The following LNX2 variants were observed in gnomAD, a reference collection of about 807,000 sequenced individuals.
LNX2 encodes the protein ligand of Numb protein X 2.
In LNX2, 35 loss-of-function variants were observed where a neutral mutation model predicts 66.2. That is an observed-to-expected ratio of 0.53 (90% confidence interval 0.40 to 0.70). The LOEUF is 0.70. Ranked by LOEUF, LNX2 falls within the 30% of genes least tolerant of loss-of-function variation. The pLI, the probability that LNX2 is intolerant of heterozygous loss-of-function variation, is 0.00. For missense variants in LNX2, 791 were observed against 850.8 expected (o/e 0.93, Z 0.87); for synonymous variants, 337 against 315.6 (o/e 1.07, Z -0.72).
chr13:27,559,832 A>G lies in LNX2; in HGVS notation c.1368+10T>C. 6.7e-7 allele frequency: 1 copy of G among 1,501,424 alleles called. No individual in the cohort carries two copies. Among genetic ancestry groups the G allele is most frequent in the Admixed American group, 2.2e-5 (1 of 45,654 alleles). 93.0% of individuals were successfully genotyped at this position (1,501,424 alleles called of 1,614,324 possible). ...TTGATGGTGGCATAAAAAAAAAAAAAAATCCTCACCTTATGTGAGCTTGGT... is the reference window on the plus strand; with the variant it reads ...TTGATGGTGGCATAAAAAAAAAAAAGAATCCTCACCTTATGTGAGCTTGGT... On this transcript the variant is annotated intron_variant, in intron 6 of 9. Transcript: ENST00000316334.
At chr13:27,591,266 G>T (rs140164757) in intron 1 of LNX2, among the ~76,000 whole-genome samples, 2 of 152,174 alleles carry the variant, frequency 1.3e-5, no homozygotes, top group African/African-American at 2.4e-5. Context: ...ATTCATTACA[G>T]ATTCATATAT....
chr13:27,590,137 AG>A (rs1315738072), intron 1 of LNX2, among the ~76,000 whole-genome samples: 1 of 152,060 alleles, frequency 6.6e-6, no homozygotes, highest in African/African-American at 2.4e-5. Flanking sequence ...TTTTTAGTAG[AG>A]ACGGGGTTTC....
At chr13:27,585,016 G>A (rs1174566947) in intron 1 of LNX2, among the ~76,000 whole-genome samples, 2 of 151,852 alleles carry the variant, frequency 1.3e-5, no homozygotes, top group Admixed American at 6.6e-5. Flanking sequence ...TACTTAGGAG[G>A]CTGAGACAGG....
chr13:27,574,985 A>G (rs916353490), intron 2 of LNX2, among the ~76,000 whole-genome samples: 1 of 152,210 alleles, frequency 6.6e-6, no homozygotes, highest in African/African-American at 2.4e-5. Flanking sequence ...CCGACTTCAA[A>G]AATAAAAGAG....
chr13:27,600,399 G>A (rs1212803211), intron 1 of LNX2, among the ~76,000 whole-genome samples: 2 of 152,160 alleles, frequency 1.3e-5, no homozygotes, highest in Non-Finnish European at 2.9e-5. Flanking sequence ...TGCATATCAG[G>A]AGTAAGTCGT....
chr13:27,557,801 G>A (rs1415350039), intron 6 of LNX2, among the ~76,000 whole-genome samples: 2 of 151,998 alleles, frequency 1.3e-5, no homozygotes, highest in Non-Finnish European at 2.9e-5. Flanking sequence ...TTATGACCAA[G>A]GAGAAAATCT....
intron 5 of LNX2, among the ~76,000 whole-genome samples, chr13:27,560,609 A>G (rs1305763081): frequency 1.4e-5 from 2 of 145,584 alleles, no homozygotes; most frequent in Admixed American, 1.4e-4. Context: ...AATGTGACAC[A>G]CGTCTCCAGT....
intron 1 of LNX2, among the ~76,000 whole-genome samples, chr13:27,582,064 C>G (rs1955404789): frequency 6.6e-6 from 1 of 152,164 alleles, no homozygotes; most frequent in Admixed American, 6.5e-5. Context: ...GGGTCTTGCT[C>G]TGTCACCCAG....
intron 1 of LNX2, among the ~76,000 whole-genome samples, chr13:27,607,724 A>G (rs188214732): frequency 6.6e-6 from 1 of 152,218 alleles, no homozygotes; most frequent in Non-Finnish European, 1.5e-5. Context: ...TTGACTCTTA[A>G]TTATTTCCAG....
chr13:27,550,569 C>A lies in LNX2; in HGVS notation c.1779-78G>T, dbSNP rs1471834534. 92 of 1,045,106 alleles carry A rather than the reference C, an allele frequency of 8.8e-5. 1 individual carries two copies. Among genetic ancestry groups the A allele is most frequent in the Non-Finnish European group, 1.2e-4 (84 of 715,738 alleles). The allele number at this position is 1,045,106 out of a possible 1,614,324, so 64.7% of individuals were successfully genotyped here. The stretch of plus-strand genomic sequence containing the variant: ...CGCTTATTTTTGTTATAACCCCATA[C>A]CATGTTATATTTACCACTCTTGGAA... On this transcript the variant is annotated intron_variant, in intron 8 of 9. Coordinates refer to ENST00000316334, the MANE Select transcript of LNX2 (RefSeq NM_153371.4).
At chr13:27,581,086 G>A (rs192350045) in intron 2 of LNX2, among the ~76,000 whole-genome samples, 1 of 152,300 alleles carries the variant, frequency 6.6e-6, no homozygotes, top group African/African-American at 2.4e-5. Context: ...GTATAAAACA[G>A]TACTTCCTCA....
chr13:27,587,938 G>A (rs533012071), intron 1 of LNX2, among the ~76,000 whole-genome samples: 12 of 149,662 alleles, frequency 8.0e-5, no homozygotes, highest in South Asian at 2.1e-4. Flanking sequence ...GAAGAATGGC[G>A]TGAGCCCTGG....
intron 1 of LNX2, among the ~76,000 whole-genome samples, chr13:27,601,152 T>C (rs892292646): frequency 3.3e-5 from 5 of 152,142 alleles, no homozygotes; most frequent in African/African-American, 1.2e-4. Flanking sequence ...ACAAACCCTA[T>C]GAAGTAGTTA....
chr13:27,583,485 T>C (rs1294712098), intron 1 of LNX2, among the ~76,000 whole-genome samples: 1 of 150,434 alleles, frequency 6.6e-6, no homozygotes, highest in African/African-American at 2.5e-5. Context: ...CTCAAACTGC[T>C]CACCTCAGGT....
chr13:27,608,651 C>T (rs1004592196), intron 1 of LNX2, among the ~76,000 whole-genome samples: 1 of 151,958 alleles, frequency 6.6e-6, no homozygotes, highest in African/African-American at 2.4e-5. Context: ...CAAGAGTAAC[C>T]AAACAGAAAA....
chr13:27,603,190 C>T lies in LNX2; in HGVS notation c.-101+17185G>A, dbSNP rs545031524. Reference sequence around the variant, plus strand: ...AACAATTTATGGCTCACTTAACCTACAATTTAGATCAATAATATAAATTGA... The same window carrying T: ...AACAATTTATGGCTCACTTAACCTATAATTTAGATCAATAATATAAATTGA... On this transcript the variant is annotated intron_variant, in intron 1 of 9. Coordinates refer to ENST00000316334, the MANE Select transcript of LNX2 (RefSeq NM_153371.4). Among the ~76,000 whole-genome samples the T allele has an allele frequency of 4.6e-5, 7 of 152,258 alleles. No homozygotes were observed. In the Middle Eastern group the frequency reaches 0.017, roughly 372 times the overall value.
At chr13:27,599,575 G>C (rs1410805631) in intron 1 of LNX2, among the ~76,000 whole-genome samples, 1 of 152,096 alleles carries the variant, frequency 6.6e-6, no homozygotes, top group Non-Finnish European at 1.5e-5. Flanking sequence ...GTTCTAACCA[G>C]GTAAAGGTCA....
intron 1 of LNX2, among the ~76,000 whole-genome samples, chr13:27,606,378 G>GC (rs1555270032): frequency 8.5e-6 from 1 of 118,166 alleles, no homozygotes; most frequent in Non-Finnish European, 1.7e-5. Context: ...GATTTATAGC[G>GC]AAAAAAAAAA....
intron 7 of LNX2, among the ~76,000 whole-genome samples, chr13:27,553,930 G>A (rs964079101): frequency 6.6e-6 from 1 of 152,190 alleles, no homozygotes; most frequent in Non-Finnish European, 1.5e-5. Context: ...GTACAAAGAA[G>A]CTATCCCTGG....
Sources: gnomAD v4.1 joint callset for allele counts (sites outside exome capture counted in the v4.1 genomes callset) on GRCh38, gnomAD v4.1.1 for gene constraint, MANE v1.5 for transcripts, NCBI Gene and HGNC (gene_info 2026-07-23, HGNC 2026-07-21) for gene names.